Variants in RGS7 observed in about 807,000 individuals in gnomAD.
RGS7 encodes regulator of G protein signaling 7.
RGS7 carries 27 observed loss-of-function variants against 81.1 expected under a neutral mutation model. The observed-to-expected ratio is 0.33, with a 90% CI of 0.25 to 0.46. RGS7 has a LOEUF of 0.46. RGS7 is among the 20% of genes least tolerant of loss of function. RGS7 has a pLI of 1.00. For synonymous variants in RGS7, 208 were observed against 207.7 expected, an observed-to-expected ratio of 1.00 and a Z score of -0.01; for missense variants, 396 against 607.4, an observed-to-expected ratio of 0.65 and a Z score of 3.66.
In RGS7 at chr1:241,163,936, G is replaced by C. The variant is rs766501440; in HGVS notation, c.79-65174C>G. Among the ~76,000 whole-genome samples the C allele has an allele frequency of 6.6e-5, 10 of 152,116 alleles. No homozygotes were observed. The highest frequency in any genetic ancestry group is 1.0e-4 in the Non-Finnish European group (7 of 68,028). On this transcript the variant is annotated intron_variant, in intron 2 of 18. Transcript: ENST00000440928. The surrounding 1 kb of genome is among the most constrained non-coding windows in gnomAD (Gnocchi z 4.6). Reference sequence around the variant, plus strand: ...CTGGAGATAGCGTCAGATCCCACAGGTTGAGGGCTCAGTCCCCAAGAATGC... The same window carrying C: ...CTGGAGATAGCGTCAGATCCCACAGCTTGAGGGCTCAGTCCCCAAGAATGC...
rs570064499 is a variant in RGS7 at position 240,919,696 on chromosome 1, G to A, written c.385+11021C>T. ...CCTAAAGAACCGAACAGCTGAGGAA[G>A]CTCTTCATTGGAGGGCTGAGCTTTG... On this transcript the variant is annotated intron_variant, in intron 6 of 18. Coordinates refer to ENST00000440928, the MANE Select transcript of RGS7 (RefSeq NM_001364886.1). 68 of 589,424 alleles carry A rather than the reference G, an allele frequency of 1.2e-4. No individual in the cohort carries two copies. In the East Asian group the frequency reaches 1.7e-3, roughly 15 times the overall value. The allele number at this position is 589,424 out of a possible 1,614,324, so 36.5% of individuals were successfully genotyped here.
chr1:240,890,394 G>A (rs536785938), intron 6 of RGS7, among the ~76,000 whole-genome samples: 5 of 152,126 alleles, frequency 3.3e-5, no homozygotes, highest in Non-Finnish European at 4.4e-5. Flanking sequence ...CTTGTGATCC[G>A]CCCACCTTGG....
At chr1:241,253,624 C>T (rs2076929129) in intron 2 of RGS7, among the ~76,000 whole-genome samples, 1 of 152,154 alleles carries the variant, frequency 6.6e-6, no homozygotes, top group Non-Finnish European at 1.5e-5. Flanking sequence ...TTATTTGGTA[C>T]TTTATGCCCA....
intron 4 of RGS7, among the ~76,000 whole-genome samples, chr1:240,975,610 G>T (rs1683951100): frequency 6.6e-6 from 1 of 152,122 alleles, no homozygotes; most frequent in Non-Finnish European, 1.5e-5. Context: ...AATGAGCAAG[G>T]TCATGTCAAG....
chr1:240,938,785 T>C (rs893132864), intron 4 of RGS7, among the ~76,000 whole-genome samples: 8 of 152,122 alleles, frequency 5.3e-5, no homozygotes, highest in Admixed American at 2.6e-4. Context: ...TGTTGTTTTT[T>C]GTACAGAGGA....
At chr1:240,900,295 CTCAAAG>C (rs1669773072) in intron 6 of RGS7, among the ~76,000 whole-genome samples, 1 of 152,128 alleles carries the variant, frequency 6.6e-6, no homozygotes, top group South Asian at 2.1e-4. Flanking sequence ...CTCCCAACTC[CTCAAAG>C]TCATTCTCCA....
intron 3 of RGS7, among the ~76,000 whole-genome samples, chr1:241,000,795 G>A (rs529758): frequency 0.18 from 26,323 of 148,850 alleles, 2,526 homozygotes; most frequent in Middle Eastern, 0.32. Context: ...TTACAGGTGC[G>A]TGCCACCACA....
intron 3 of RGS7, among the ~76,000 whole-genome samples, chr1:240,990,396 T>C (rs1686287366): frequency 1.3e-5 from 2 of 152,242 alleles, no homozygotes. Flanking sequence ...TAAATGTGTT[T>C]TGTTCTATGA....
intron 2 of RGS7, among the ~76,000 whole-genome samples, chr1:241,184,130 A>AT (rs1277310200): frequency 6.6e-6 from 1 of 152,142 alleles, no homozygotes; most frequent in Admixed American, 6.5e-5. Context: ...AATGAATGTC[A>AT]TTTATTCAGT....
intron 2 of RGS7, among the ~76,000 whole-genome samples, chr1:241,118,485 T>G (rs1247009002): frequency 6.6e-6 from 1 of 152,184 alleles, no homozygotes; most frequent in East Asian, 1.9e-4. Context: ...CCTATTAATA[T>G]TTACCAATTT....
At chr1:241,063,466 C>T (rs2061852539) in intron 3 of RGS7, among the ~76,000 whole-genome samples, 1 of 152,198 alleles carries the variant, frequency 6.6e-6, no homozygotes, top group Non-Finnish European at 1.5e-5. Context: ...CAGAGCAGCA[C>T]TACAGCCGCT....
At chr1:241,207,020 G>C (rs372300282) in intron 2 of RGS7, among the ~76,000 whole-genome samples, 40 of 125,248 alleles carry the variant, frequency 3.2e-4, no homozygotes, top group African/African-American at 8.0e-4. Flanking sequence ...CCAGGCTGGA[G>C]TGCAGTGGTG....
intron 3 of RGS7, among the ~76,000 whole-genome samples, chr1:241,059,208 G>T (rs957654789): frequency 4.6e-5 from 7 of 152,116 alleles, no homozygotes; most frequent in African/African-American, 1.7e-4. Flanking sequence ...TCTCCCAAGG[G>T]TCTGTCACTG....
At chr1:241,086,672 C>G (rs919924549) in intron 3 of RGS7, among the ~76,000 whole-genome samples, 1 of 152,032 alleles carries the variant, frequency 6.6e-6, no homozygotes, top group African/African-American at 2.4e-5. Flanking sequence ...CTGCTATTTC[C>G]CTGCTCAAAA....
chr1:241,012,861 T>TA (rs1449522555), intron 3 of RGS7, among the ~76,000 whole-genome samples: 5 of 152,122 alleles, frequency 3.3e-5, no homozygotes, highest in Non-Finnish European at 4.4e-5. Flanking sequence ...TACCACTGGC[T>TA]ACTAACTGTT....
Position 240,911,404 on chromosome 1 carries a change from G to T in RGS7, c.385+19313C>A, listed in dbSNP as rs1322030528. Among the ~76,000 whole-genome samples, 5 of 152,236 alleles carry T rather than the reference G, an allele frequency of 3.3e-5. No homozygotes were observed. The East Asian group carries it at 9.7e-4, about 29-fold the overall frequency. ...TTTCTCTCTTGATTCTTCTTCTGGT[G>T]ATTTCTTCTTAAATGTTAATGTTCT... On this transcript the variant is annotated intron_variant, in intron 6 of 18. Coordinates refer to ENST00000440928, the MANE Select transcript of RGS7 (RefSeq NM_001364886.1).
chr1:241,143,125 A>C (rs898398108), intron 2 of RGS7, among the ~76,000 whole-genome samples: 1 of 152,088 alleles, frequency 6.6e-6, no homozygotes, highest in African/African-American at 2.4e-5. Context: ...TGTTCCTATC[A>C]CTATCAGCGT....
chr1:241,172,423 C>G (rs2070800017), intron 2 of RGS7, among the ~76,000 whole-genome samples: 1 of 152,098 alleles, frequency 6.6e-6, no homozygotes, highest in Non-Finnish European at 1.5e-5. Flanking sequence ...AAAATAAGAG[C>G]ATCTTAAAAT....
At chr1:240,806,112 TG>T in intron 15 of RGS7, 27 bp downstream of exon 15, 1 of 1,603,356 alleles carries the variant, frequency 6.2e-7, no homozygotes, top group African/African-American at 1.3e-5. Flanking sequence ...GAAGCACGTT[TG>T]TGGTGTGAGG....
Sources: allele counts gnomAD v4.1 joint callset (sites outside exome capture counted in the v4.1 genomes callset), GRCh38; gene constraint gnomAD v4.1.1; non-coding constraint Gnocchi (gnomAD v3.1); transcripts MANE v1.5; gene names NCBI Gene and HGNC (gene_info 2026-07-23, HGNC 2026-07-21).